PAIP2B: variants seen among roughly 807,000 people sequenced by gnomAD.
PAIP2B encodes the protein poly(A) binding protein interacting protein 2B.
PAIP2B carries 13 observed loss-of-function variants against 17.0 expected under a neutral mutation model. The observed-to-expected ratio is 0.76, with a 90% CI of 0.50 to 1.22. PAIP2B has a LOEUF of 1.22. PAIP2B is among the 50% of genes most tolerant of loss of function. The pLI is 0.00. For missense variants in PAIP2B, 117 were observed against 144.5 expected, an observed-to-expected ratio of 0.81 and a Z score of 0.98; for synonymous variants, 43 against 48.7, an observed-to-expected ratio of 0.88 and a Z score of 0.48.
chr2:71,203,544 C>T (rs1275262296), intron 1 of PAIP2B, among the ~76,000 whole-genome samples: 1 of 151,898 alleles, frequency 6.6e-6, no homozygotes, highest in African/African-American at 2.4e-5. Flanking sequence ...TCTCATAAAA[C>T]TTGCATTTTT....
chr2:71,206,923 AT>A (rs1300636069), intron 1 of PAIP2B, among the ~76,000 whole-genome samples: 1 of 152,214 alleles, frequency 6.6e-6, no homozygotes, highest in East Asian at 1.9e-4. Context: ...ACAGCTTTAA[AT>A]TTTATTTCAA....
At chr2:71,189,468 A>G (rs868586164) in intron 3 of PAIP2B, among the ~76,000 whole-genome samples, 8 of 152,392 alleles carry the variant, frequency 5.2e-5, no homozygotes, top group South Asian at 2.1e-4. Context: ...AGTATATTAA[A>G]TACAGATTTG....
intron 1 of PAIP2B, among the ~76,000 whole-genome samples, chr2:71,205,888 C>A (rs1484944458): frequency 6.6e-6 from 1 of 152,112 alleles, no homozygotes; most frequent in Admixed American, 6.6e-5. Context: ...TACAGAGAGG[C>A]TCATGGGAGA....
In PAIP2B at chr2:71,188,358, A is replaced by G; in HGVS notation, c.*121T>C. 1.4e-6 allele frequency: 1 copy of G among 739,204 alleles called. No individual in the cohort carries two copies. Among genetic ancestry groups the G allele is most frequent in the Admixed American group, 2.3e-5 (1 of 42,894 alleles). The allele number at this position is 739,204 out of a possible 1,614,324, so 45.8% of individuals were successfully genotyped here. A position where few individuals can be genotyped will look rare whatever the true frequency, so the allele number is the denominator to read the frequency against. On this transcript the variant is annotated 3_prime_UTR_variant, in exon 4 of 4. Transcript: ENST00000244221. ...CTCAGAGTCACAGTATTGTGAGACCACCACTCCCCTTCCCGCTGTGCACCC... is the reference window on the plus strand; with the variant it reads ...CTCAGAGTCACAGTATTGTGAGACCGCCACTCCCCTTCCCGCTGTGCACCC...
chr2:71,210,902 T>C (rs990154145), intron 1 of PAIP2B, among the ~76,000 whole-genome samples: 1 of 152,200 alleles, frequency 6.6e-6, no homozygotes, highest in Non-Finnish European at 1.5e-5. Context: ...GTCTAGTCCC[T>C]GGACCAGACC....
In PAIP2B at chr2:71,187,328, C is replaced by G. The variant is rs1674565880; in HGVS notation, c.*1151G>C. 6.6e-6 allele frequency: 1 copy of G among 152,186 alleles called. No homozygotes were observed. Among genetic ancestry groups the G allele is most frequent in the South Asian group, 2.1e-4 (1 of 4,832 alleles). The allele number at this position is 152,186 out of a possible 1,614,324, so 9.4% of individuals were successfully genotyped here. A position where few individuals can be genotyped will look rare whatever the true frequency, so the allele number is the denominator to read the frequency against. Reference sequence around the variant, plus strand: ...TGGGAACAGTAAAATGTTTTAATAGCTGAAAAGATCCCAGAAGGTCAGGTA... The same window carrying G: ...TGGGAACAGTAAAATGTTTTAATAGGTGAAAAGATCCCAGAAGGTCAGGTA... On this transcript the variant is annotated 3_prime_UTR_variant, in exon 4 of 4. Transcript: ENST00000244221.
intron 1 of PAIP2B, among the ~76,000 whole-genome samples, chr2:71,223,667 G>C (rs1675649110): frequency 6.6e-6 from 1 of 152,016 alleles, no homozygotes; most frequent in South Asian, 2.1e-4. Context: ...TTGAACTCCT[G>C]ACCTCGTGAT....
intron 1 of PAIP2B, among the ~76,000 whole-genome samples, chr2:71,211,139 C>T (rs1457007815): frequency 6.6e-6 from 1 of 151,688 alleles, no homozygotes; most frequent in Non-Finnish European, 1.5e-5. Flanking sequence ...CCCAGCTATT[C>T]GGGGAGGTAG....
chr2:71,208,002 T>A (rs187035515), intron 1 of PAIP2B, among the ~76,000 whole-genome samples: 1 of 152,068 alleles, frequency 6.6e-6, no homozygotes, highest in East Asian at 1.9e-4. Context: ...ATATAGGAAG[T>A]TGGAGTAGTC....
At chr2:71,192,290 G>T (rs1674705723) in intron 2 of PAIP2B, among the ~76,000 whole-genome samples, 1 of 147,044 alleles carries the variant, frequency 6.8e-6, no homozygotes. Context: ...ACAAATTGAA[G>T]GTTTGTGGCA....
chr2:71,194,347 T>C (rs559593719), intron 2 of PAIP2B, among the ~76,000 whole-genome samples: 125 of 152,340 alleles, frequency 8.2e-4, no homozygotes, highest in African/African-American at 2.6e-3. Flanking sequence ...TTCCTATCCA[T>C]GAGCATGGGA....
intron 2 of PAIP2B, among the ~76,000 whole-genome samples, chr2:71,193,665 A>C (rs1294057404): frequency 6.6e-6 from 1 of 152,100 alleles, no homozygotes; most frequent in Non-Finnish European, 1.5e-5. Context: ...CATCCTGGCT[A>C]ACACGGTGAA....
At chr2:71,220,456 G>A (rs950957331) in intron 1 of PAIP2B, among the ~76,000 whole-genome samples, 2 of 152,174 alleles carry the variant, frequency 1.3e-5, no homozygotes, top group African/African-American at 4.8e-5. Flanking sequence ...TCTCAGTATG[G>A]TGGATCTGTG....
At chr2:71,191,352 G>GT (rs11383161) in intron 2 of PAIP2B, among the ~76,000 whole-genome samples, 19,346 of 152,230 alleles carry the variant, frequency 0.13, 1,390 homozygotes, top group South Asian at 0.19. Flanking sequence ...GCCACAAGAT[G>GT]TAACATGACC....
At chr2:71,199,059 G>GT (rs146873073) in intron 2 of PAIP2B, among the ~76,000 whole-genome samples, 20,163 of 152,112 alleles carry the variant, frequency 0.13, 1,451 homozygotes, top group South Asian at 0.19. Flanking sequence ...TGAGAGAACT[G>GT]TTTTTTCCCT....
chr2:71,201,674 C>T lies in PAIP2B; in HGVS notation c.138+778G>A, dbSNP rs373799068. Among the ~76,000 whole-genome samples, 55 of 152,330 alleles carry T rather than the reference C, an allele frequency of 3.6e-4. No homozygotes were observed. The South Asian group carries it at 9.9e-3, about 28-fold the overall frequency. Reference sequence around the variant, plus strand: ...GGGATTACAGGCATGAGCCACAATGCCTGGCCTTAAACTTCTTTTATGTCT... The same window carrying T: ...GGGATTACAGGCATGAGCCACAATGTCTGGCCTTAAACTTCTTTTATGTCT... On this transcript the variant is annotated intron_variant, in intron 2 of 3. Coordinates refer to ENST00000244221, the MANE Select transcript of PAIP2B (RefSeq NM_020459.1).
At chr2:71,199,598 ACT>A (rs1328150789) in intron 2 of PAIP2B, among the ~76,000 whole-genome samples, 3 of 145,270 alleles carry the variant, frequency 2.1e-5, no homozygotes, top group Non-Finnish European at 4.5e-5. Flanking sequence ...ACGGAGTCTT[ACT>A]CTGTCGCCCA....
At chr2:71,226,544 G>T (rs1282337605) in intron 1 of PAIP2B, among the ~76,000 whole-genome samples, 2 of 152,112 alleles carry the variant, frequency 1.3e-5, no homozygotes, top group African/African-American at 4.8e-5. Context: ...ATGCCGCGCG[G>T]GTCAATTTGC....
chr2:71,211,458 T>C (rs1447511142), intron 1 of PAIP2B, among the ~76,000 whole-genome samples: 3 of 152,146 alleles, frequency 2.0e-5, no homozygotes, highest in African/African-American at 4.8e-5. Flanking sequence ...TTCCGATATA[T>C]AGAAAGACTA....
Sources: allele counts gnomAD v4.1 joint callset (sites outside exome capture counted in the v4.1 genomes callset), GRCh38; gene constraint gnomAD v4.1.1; transcripts MANE v1.5; gene names NCBI Gene and HGNC (gene_info 2026-07-23, HGNC 2026-07-21).